EPHA6: variants seen among roughly 807,000 people sequenced by gnomAD.
The protein encoded by EPHA6 is ephrin type-A receptor 6.
EPHA6 carries 50 observed loss-of-function variants against 112.0 expected under a neutral mutation model. The ratio of observed to expected loss-of-function variants is 0.45; its 90% CI spans 0.36 to 0.56. The LOEUF (loss-of-function observed/expected upper bound fraction) is 0.56. Among genes scored for constraint, EPHA6 ranks in the 20% least tolerant of loss-of-function variants. The pLI, the probability that EPHA6 is intolerant of heterozygous loss-of-function variation, is 0.00. For missense variants in EPHA6, 1,280 were observed against 1,417.4 expected, an observed-to-expected ratio of 0.90 and a Z score of 1.56; for synonymous variants, 529 against 490.7, an observed-to-expected ratio of 1.08 and a Z score of -1.03.
chr3:97,511,962 T>C (rs1415120547), intron 10 of EPHA6, among the ~76,000 whole-genome samples: 7 of 152,130 alleles, frequency 4.6e-5, no homozygotes, highest in Non-Finnish European at 7.3e-5. Context: ...GAAGGATATA[T>C]AATAATAGTT....
At chr3:97,319,899 G>A (rs2108778900) in intron 5 of EPHA6, among the ~76,000 whole-genome samples, 1 of 152,032 alleles carries the variant, frequency 6.6e-6, no homozygotes, top group East Asian at 1.9e-4. Flanking sequence ...CATAACTGTA[G>A]GGGTAGTTTT....
At chr3:97,016,212 TA>T (rs2044262283) in intron 3 of EPHA6, among the ~76,000 whole-genome samples, 1 of 152,172 alleles carries the variant, frequency 6.6e-6, no homozygotes, top group African/African-American at 2.4e-5. Context: ...ATATAGAAGT[TA>T]AATTCCACAA....
Position 97,369,383 on chromosome 3 carries a change from T to C in EPHA6, c.1607-35767T>C, listed in dbSNP as rs537326038. Among the ~76,000 whole-genome samples, 4 of 152,230 alleles carry C rather than the reference T, an allele frequency of 2.6e-5. No individual in the cohort carries two copies. In the East Asian group the frequency reaches 7.7e-4, roughly 29 times the overall value. ...GACTGGAGTGGTGGCAGTGGACATA[T>C]AGAAAAGTGGGTGGAGGCAGATGTA... On this transcript the variant is annotated intron_variant, in intron 5 of 17. Transcript: ENST00000389672.
chr3:97,312,458 T>A (rs2108756377), intron 5 of EPHA6, among the ~76,000 whole-genome samples: 1 of 151,628 alleles, frequency 6.6e-6, no homozygotes, highest in East Asian at 1.9e-4. Flanking sequence ...TCCAACATAA[T>A]CCTCAAAGAA....
At chr3:97,310,056 G>A (rs2081484535) in intron 5 of EPHA6, among the ~76,000 whole-genome samples, 1 of 151,466 alleles carries the variant, frequency 6.6e-6, no homozygotes, top group South Asian at 2.1e-4. Context: ...TAGAAAACAG[G>A]TTGATTATAT....
At chr3:97,328,021 ATGTATATG>A (rs1238512913) in intron 5 of EPHA6, among the ~76,000 whole-genome samples, 3 of 132,216 alleles carry the variant, frequency 2.3e-5, no homozygotes, top group African/African-American at 6.5e-5. Context: ...ATGTGTATAT[ATGTATATG>A]TGTATATATA....
At chr3:97,664,940 A>G (rs1433574069) in intron 14 of EPHA6, among the ~76,000 whole-genome samples, 1 of 152,228 alleles carries the variant, frequency 6.6e-6, no homozygotes, top group Non-Finnish European at 1.5e-5. Flanking sequence ...GCTACCAATG[A>G]CTTTCTTCAC....
intron 2 of EPHA6, among the ~76,000 whole-genome samples, chr3:96,935,556 A>G (rs2040535043): frequency 6.7e-6 from 1 of 149,904 alleles, no homozygotes; most frequent in Admixed American, 6.7e-5. Context: ...TTTTGAAAAT[A>G]TAATATATAA....
At chr3:96,965,739 A>G (rs530152586) in intron 2 of EPHA6, among the ~76,000 whole-genome samples, 21 of 152,242 alleles carry the variant, frequency 1.4e-4, no homozygotes, top group African/African-American at 4.8e-4. Context: ...GCCCTCGTTC[A>G]GCAACATTTG....
chr3:96,832,816 G>C (rs957941856), intron 1 of EPHA6, among the ~76,000 whole-genome samples: 3 of 151,988 alleles, frequency 2.0e-5, no homozygotes, highest in African/African-American at 7.2e-5. Context: ...AAAATTTAAG[G>C]AGAAAATTAC....
intron 12 of EPHA6, among the ~76,000 whole-genome samples, chr3:97,610,414 C>T (rs936248831): frequency 6.6e-6 from 1 of 151,598 alleles, no homozygotes; most frequent in Non-Finnish European, 1.5e-5. Flanking sequence ...AGAAGTTGTA[C>T]CACAACTGCA....
At chr3:96,947,468 T>G (rs1186156274) in intron 2 of EPHA6, among the ~76,000 whole-genome samples, 3 of 152,158 alleles carry the variant, frequency 2.0e-5, no homozygotes, top group Non-Finnish European at 4.4e-5. Flanking sequence ...TTTTGTCAGG[T>G]TTGTCAAAGA....
chr3:97,620,670 T>C lies in EPHA6; in HGVS notation c.2574+9816T>C, dbSNP rs564223088. Among the ~76,000 whole-genome samples the C allele has an allele frequency of 4.6e-5, 7 of 151,920 alleles. No individual in the cohort carries two copies. In the East Asian group the frequency reaches 7.8e-4, roughly 17 times the overall value. ...CCAAGAAGTATATGAAAAAACTCAG[T>C]ATCACTGATCGTTAGAGAAATGCAA... On this transcript the variant is annotated intron_variant, in intron 13 of 17. Transcript: ENST00000389672.
chr3:97,655,010 G>T (rs1347431937), intron 14 of EPHA6, among the ~76,000 whole-genome samples: 1 of 151,150 alleles, frequency 6.6e-6, no homozygotes, highest in Non-Finnish European at 1.5e-5. Context: ...CTTAGTTTAT[G>T]CCGGTAAAGA....
chr3:96,990,110 T>G (rs1024644026), intron 3 of EPHA6, among the ~76,000 whole-genome samples: 1 of 152,192 alleles, frequency 6.6e-6, no homozygotes, highest in South Asian at 2.1e-4. Context: ...TTTTAAATAT[T>G]TGAAGAATTA....
At chr3:96,945,594 G>A (rs1449084885) in intron 2 of EPHA6, among the ~76,000 whole-genome samples, 5 of 152,024 alleles carry the variant, frequency 3.3e-5, no homozygotes, top group Non-Finnish European at 5.9e-5. Context: ...AAAATAACTC[G>A]ATATTACCTA....
At chr3:97,163,785 A>T (rs890841709) in intron 3 of EPHA6, among the ~76,000 whole-genome samples, 3 of 152,162 alleles carry the variant, frequency 2.0e-5, no homozygotes, top group African/African-American at 7.2e-5. Flanking sequence ...GAACTCAGTG[A>T]CCTTGGCTGC....
chr3:97,505,177 T>C (rs920572338), intron 10 of EPHA6, among the ~76,000 whole-genome samples: 1 of 152,036 alleles, frequency 6.6e-6, no homozygotes, highest in Non-Finnish European at 1.5e-5. Context: ...GAAATTCAGG[T>C]TTCTCATTTC....
intron 3 of EPHA6, among the ~76,000 whole-genome samples, chr3:96,993,515 G>A (rs965902581): frequency 6.6e-6 from 1 of 152,036 alleles, no homozygotes; most frequent in African/African-American, 2.4e-5. Context: ...TTACAGGCAT[G>A]AGCCACTGCT....
Sources: allele counts gnomAD v4.1 joint callset (sites outside exome capture counted in the v4.1 genomes callset), GRCh38; gene constraint gnomAD v4.1.1; transcripts MANE v1.5; gene names NCBI Gene and HGNC (gene_info 2026-07-23, HGNC 2026-07-21).